Variants in EPM2A observed in about 807,000 individuals in gnomAD.
EPM2A encodes the protein EPM2A glucan phosphatase, laforin, also known as laforin.
A neutral mutation model predicts 26.5 loss-of-function variants in EPM2A; 21 were observed. That is an observed-to-expected ratio of 0.79 (90% confidence interval 0.56 to 1.14). The LOEUF is 1.14. EPM2A is among the 50% of genes most tolerant of loss of function. EPM2A has a pLI of 0.00. For synonymous variants in EPM2A, 217 were observed against 177.6 expected (o/e 1.22, Z -1.76); for missense variants, 458 against 440.8 (o/e 1.04, Z -0.35).
chr6:145,668,161 T>C (rs1479945813), intron 2 of EPM2A, among the ~76,000 whole-genome samples: 6 of 115,366 alleles, frequency 5.2e-5, no homozygotes, highest in Admixed American at 4.7e-4. Flanking sequence ...ACTTAAAGTA[T>C]AATAAAAAAA....
At chr6:145,571,561 T>G (rs1461319206) in intron 2 of EPM2A, among the ~76,000 whole-genome samples, 1 of 152,190 alleles carries the variant, frequency 6.6e-6, no homozygotes, top group Non-Finnish European at 1.5e-5. Flanking sequence ...AGGACAAACC[T>G]CTACCCTTTC....
intron 2 of EPM2A, among the ~76,000 whole-genome samples, chr6:145,615,730 G>C (rs548341779): frequency 8.6e-5 from 13 of 152,042 alleles, no homozygotes; most frequent in Non-Finnish European, 1.5e-4. Flanking sequence ...TGAGGAACTT[G>C]TTGGGATCTG....
intron 3 of EPM2A, among the ~76,000 whole-genome samples, chr6:145,633,149 A>G (rs982176597): frequency 2.0e-5 from 3 of 152,198 alleles, no homozygotes; most frequent in African/African-American, 7.2e-5. Context: ...CCTTCAGGTA[A>G]TCAGTGTGTG....
intron 2 of EPM2A, among the ~76,000 whole-genome samples, chr6:145,587,258 GT>G (rs1439254755): frequency 6.6e-6 from 1 of 152,048 alleles, no homozygotes; most frequent in African/African-American, 2.4e-5. Context: ...AACATGTTGT[GT>G]TTTTTTATTA....
chr6:145,572,079 C>T (rs1448630123), intron 2 of EPM2A, among the ~76,000 whole-genome samples: 4 of 152,214 alleles, frequency 2.6e-5, no homozygotes, highest in Non-Finnish European at 4.4e-5. Flanking sequence ...TATAATCACA[C>T]ATCTGGGGAT....
rs185177755 is a variant in EPM2A at position 145,725,611 on chromosome 6, G to T, written c.301+9587C>A. Among the ~76,000 whole-genome samples the T allele has an allele frequency of 4.3e-3, 660 of 151,952 alleles. 5 individuals carry two copies. The highest frequency in any genetic ancestry group is 0.014 in the African/African-American group (572 of 41,470). ...GCAATAAAAAGAAATTACAGCTACA[G>T]AAAAAAACATAGATAGATATTAAAT... On this transcript the variant is annotated intron_variant, in intron 1 of 3. Transcript: ENST00000367519.
At chr6:145,659,626 T>C (rs1029219729) in intron 2 of EPM2A, among the ~76,000 whole-genome samples, 6 of 152,196 alleles carry the variant, frequency 3.9e-5, no homozygotes, top group Non-Finnish European at 1.5e-5. Flanking sequence ...AGAAAATAAG[T>C]TGAAAAATCA....
chr6:145,549,758 G>T (rs1027766611), intron 2 of EPM2A, among the ~76,000 whole-genome samples: 2 of 152,068 alleles, frequency 1.3e-5, no homozygotes, highest in African/African-American at 2.4e-5. Flanking sequence ...ACAGACTTAT[G>T]GTCACAGTGT....
chr6:145,654,295 C>A (rs1436212569), intron 2 of EPM2A, among the ~76,000 whole-genome samples: 1 of 151,946 alleles, frequency 6.6e-6, no homozygotes, highest in African/African-American at 2.4e-5. Flanking sequence ...AATTCTCCTG[C>A]CTCAGCCTCC....
chr6:145,403,173 G>A (rs777386589), intron 4 of EPM2A, among the ~76,000 whole-genome samples: 11 of 152,244 alleles, frequency 7.2e-5, no homozygotes, highest in African/African-American at 1.9e-4. Flanking sequence ...AATGTGAAAT[G>A]ATCAAATAAT....
chr6:145,657,737 A>T (rs978418127), intron 2 of EPM2A, among the ~76,000 whole-genome samples: 3 of 152,246 alleles, frequency 2.0e-5, no homozygotes, highest in African/African-American at 7.2e-5. Context: ...AGGAACACAC[A>T]GCAGCCTACT....
rs1251744119 is a variant in EPM2A at position 145,732,345 on chromosome 6, T to C, written c.301+2853A>G. Among the ~76,000 whole-genome samples, 3 of 151,856 alleles carry C rather than the reference T, an allele frequency of 2.0e-5. No homozygotes were observed. In the South Asian group the frequency reaches 6.3e-4, roughly 32 times the overall value. On this transcript the variant is annotated intron_variant, in intron 1 of 3. Coordinates refer to ENST00000367519, the MANE Select transcript of EPM2A (RefSeq NM_005670.4). ...TAGGATTATGAGAATGAACTTTCTA[T>C]GTAACAGAAAGTCAACGGTCAATAT...
At chr6:145,460,877 T>C (rs1419721774) in intron 4 of EPM2A, among the ~76,000 whole-genome samples, 1 of 150,220 alleles carries the variant, frequency 6.7e-6, no homozygotes, top group South Asian at 2.1e-4. Context: ...TCTAGACATA[T>C]TCTCTTAAAA....
chr6:145,661,146 AAG>A (rs990415034), intron 2 of EPM2A, among the ~76,000 whole-genome samples: 144 of 152,276 alleles, frequency 9.5e-4, no homozygotes, highest in African/African-American at 3.2e-3. Flanking sequence ...GAAAATAAGA[AAG>A]GGGAACAGAA....
At position 145,458,378 on chromosome 6, in the gene EPM2A, C is replaced by T. The variant is rs530491708; in HGVS notation, c.555+44144G>A. On this transcript the variant is annotated intron_variant, in intron 4 of 4. Coordinates refer to the EPM2A transcript ENST00000638717. ...GAAAAGCTCTATCTATTCTTATACA[C>T]GGCCATTCTTCTCCCCAGGGGCTCA... is the stretch of plus-strand genomic sequence containing the variant. 1.1e-4 allele frequency among the ~76,000 whole-genome samples: 16 copies of T among 152,296 alleles called. No homozygotes were observed. The South Asian group carries it at 1.9e-3, about 18-fold the overall frequency.
At chr6:145,387,277 C>T (rs1458285583) in intron 4 of EPM2A, among the ~76,000 whole-genome samples, 1 of 152,086 alleles carries the variant, frequency 6.6e-6, no homozygotes, top group Non-Finnish European at 1.5e-5. Context: ...CCTCCAACAC[C>T]TTCTACATCT....
intron 2 of EPM2A, among the ~76,000 whole-genome samples, chr6:145,615,950 A>G (rs1358557890): frequency 1.3e-5 from 2 of 152,234 alleles, no homozygotes; most frequent in Admixed American, 1.3e-4. Context: ...AGTTTGGAAA[A>G]TTTGCAGCCT....
At chr6:145,417,141 G>A (rs530505888) in intron 4 of EPM2A, among the ~76,000 whole-genome samples, 135 of 152,316 alleles carry the variant, frequency 8.9e-4, no homozygotes, top group African/African-American at 3.2e-3. Flanking sequence ...TCAGCGATTA[G>A]ATAAGATTCC....
chr6:145,571,976 C>A (rs1459382857), intron 2 of EPM2A, among the ~76,000 whole-genome samples: 1 of 152,180 alleles, frequency 6.6e-6, no homozygotes, highest in Non-Finnish European at 1.5e-5. Flanking sequence ...CCTACCTATT[C>A]CCCAAATTTC....
Sources: gnomAD v4.1 joint callset for allele counts (sites outside exome capture counted in the v4.1 genomes callset) on GRCh38, gnomAD v4.1.1 for gene constraint, MANE v1.5 for transcripts, NCBI Gene and HGNC (gene_info 2026-07-23, HGNC 2026-07-21) for gene names.